Variants in ZNF165 observed in about 807,000 individuals in gnomAD.
ZNF165 encodes cancer/testis antigen 53.
Under a neutral mutation model 19.6 loss-of-function variants are expected in ZNF165, and 14 were observed. The ratio of observed to expected loss-of-function variants is 0.71; its 90% CI spans 0.47 to 1.12. The LOEUF (loss-of-function observed/expected upper bound fraction) is 1.12, where lower values mean the gene tolerates loss of function less well. ZNF165 is among the 50% of genes most tolerant of loss of function. The pLI is 0.00. For missense variants in ZNF165, 504 were observed against 566.3 expected (o/e 0.89, Z 1.12); for synonymous variants, 165 against 195.0 (o/e 0.85, Z 1.28).
In ZNF165 at chr6:28,085,654, G is replaced by A; in HGVS notation, c.174G>A (p.Gln58=). The A allele has an allele frequency of 6.2e-7, 1 of 1,614,224 alleles. No individual in the cohort carries two copies. The highest frequency in any genetic ancestry group is 2.2e-5 in the East Asian group (1 of 44,882). Residue 58 remains glutamine, a synonymous_variant, in exon 2 of 4, where the codon CAG becomes CAA. Coordinates refer to ENST00000683778, the MANE Select transcript of ZNF165 (RefSeq NM_001376491.1). ...CRQLFRQFCY[Q]DSPGPREALS... ...AGCTTTTTAGGCAGTTCTGCTACCA[G>A]GATTCTCCTGGACCTCGCGAGGCAC...
chr6:28,083,381 C>G (rs1217907173), intron 1 of ZNF165, among the ~76,000 whole-genome samples: 3 of 152,190 alleles, frequency 2.0e-5, no homozygotes, highest in Non-Finnish European at 4.4e-5. Context: ...TCCACCAGTT[C>G]CAATCAGTAG....
At chr6:28,088,470 TG>T in intron 3 of ZNF165, 92 bp from the exon 4 acceptor site, 1 of 998,698 alleles carries the variant, frequency 1.0e-6, no homozygotes, top group Non-Finnish European at 1.5e-6. Context: ...TATATTAAAG[TG>T]GGCATATCAA....
chr6:28,085,200 AT>A (rs1179566272), intron 1 of ZNF165, among the ~76,000 whole-genome samples: 1 of 152,122 alleles, frequency 6.6e-6, no homozygotes, highest in Non-Finnish European at 1.5e-5. Flanking sequence ...TTAGCATTAC[AT>A]TTAAGTTTAT....
chr6:28,086,061 T>G, intron 2 of ZNF165, 111 bp from the exon 3 acceptor site: 1 of 1,517,408 alleles, frequency 6.6e-7, no homozygotes, highest in Admixed American at 2.2e-5. Flanking sequence ...TAAATCAGAC[T>G]CGATTCTTCC....
chr6:28,082,765 A>C (rs1764186079), intron 1 of ZNF165, among the ~76,000 whole-genome samples: 1 of 152,214 alleles, frequency 6.6e-6, no homozygotes, highest in South Asian at 2.1e-4. Context: ...TGTTCCCAAC[A>C]CTTGTCAAAA....
rs748451044 is a variant in ZNF165, at chr6:28,088,618, T to G, written c.606T>G (p.Ile202Met). 5 of 1,611,608 alleles carry G rather than the reference T, an allele frequency of 3.1e-6. No homozygotes were observed. In the East Asian group the frequency reaches 8.9e-5, roughly 29 times the overall value. Residue 202 changes from isoleucine to methionine, a missense_variant, in exon 4 of 4, where the codon ATT (isoleucine) becomes ATG (methionine). Coordinates refer to ENST00000683778, the MANE Select transcript of ZNF165 (RefSeq NM_001376491.1). The part of the protein sequence containing the change: ...SMPKLEIFEK[I>M]ESQRIISGRI... Reference sequence around the variant, plus strand: ...CAAAGCTGGAAATTTTTGAAAAAATTGAATCACAGAGAATTATATCTGGAA... The same window carrying G: ...CAAAGCTGGAAATTTTTGAAAAAATGGAATCACAGAGAATTATATCTGGAA...
intron 3 of ZNF165, 86 bp downstream of exon 3, chr6:28,086,396 G>A: frequency 6.6e-7 from 1 of 1,518,740 alleles, no homozygotes; most frequent in Non-Finnish European, 8.8e-7. Flanking sequence ...GGTAACTGTA[G>A]ATGGTCCTTT....
chr6:28,080,560 TTTTTTTG>T, upstream of ZNF165: 1 of 141,898 alleles, frequency 7.0e-6, no homozygotes, highest in African/African-American at 2.7e-5. Context: ...TTTTTTTTTT[TTTTTTTG>T]TATTTTTAGT....
At position 28,089,165 on chromosome 6, in the gene ZNF165, T is replaced by G. The variant is rs1379280946; in HGVS notation, c.1153T>G (p.Ser385Ala). 2 of 1,614,118 alleles carry G rather than the reference T, an allele frequency of 1.2e-6. No homozygotes were observed. The highest frequency in any genetic ancestry group is 1.7e-5 in the Admixed American group (1 of 60,018). The part of the protein sequence containing the change: ...NECGKSFAES[S>A]DLTRHRRIHT... ...ATGTGGGAAAAGCTTTGCAGAGAGC[T>G]CAGATCTTACTAGACATCGGCGAAT... is the stretch of plus-strand genomic sequence containing the variant. Residue 385 changes from serine to alanine, a missense_variant, in exon 4 of 4, where the codon TCA becomes GCA. Physicochemically the swap from Ser to Ala is moderately conservative, Grantham distance 99. Coordinates refer to ENST00000683778, the MANE Select transcript of ZNF165 (RefSeq NM_001376491.1).
rs749929609 is a variant in ZNF165, at chr6:28,085,852, A to G, written c.372A>G (p.Leu124=). ...PESGEEAVTI[L]EDLERGTDEA... Reference sequence around the variant, plus strand: ...GTGGAGAGGAGGCAGTGACCATACTAGAAGATTTGGAGAGAGGCACTGATG... The same window carrying G: ...GTGGAGAGGAGGCAGTGACCATACTGGAAGATTTGGAGAGAGGCACTGATG... Residue 124 remains leucine (L), a synonymous_variant, in exon 2 of 4, where the codon CTA becomes CTG. Transcript: ENST00000683778. The G allele has an allele frequency of 5.0e-6, 8 of 1,613,056 alleles. No individual in the cohort carries two copies. Among genetic ancestry groups the G allele is most frequent in the Non-Finnish European group, 5.9e-6 (7 of 1,179,994 alleles).
At chr6:28,086,949 T>C (rs991645281) in intron 3 of ZNF165, among the ~76,000 whole-genome samples, 1 of 152,142 alleles carries the variant, frequency 6.6e-6, no homozygotes, top group East Asian at 1.9e-4. Flanking sequence ...GAGAAGTACA[T>C]ATAATGATCA....
At chr6:28,083,759 C>G (rs1369373537) in intron 1 of ZNF165, among the ~76,000 whole-genome samples, 1 of 152,148 alleles carries the variant, frequency 6.6e-6, no homozygotes, top group Non-Finnish European at 1.5e-5. Context: ...ATTTCTTTTG[C>G]TGCACCGAAA....
At chr6:28,083,248 G>A (rs1412672988) in intron 1 of ZNF165, among the ~76,000 whole-genome samples, 1 of 152,150 alleles carries the variant, frequency 6.6e-6, no homozygotes, top group African/African-American at 2.4e-5. Flanking sequence ...TAAGCCCCAT[G>A]TTAAATACAG....
In ZNF165 at chr6:28,089,397, G is replaced by A; in HGVS notation, c.1385G>A (p.Gly462Glu). The A allele has an allele frequency of 6.2e-7, 1 of 1,614,170 alleles. No homozygotes were observed. The highest frequency in any genetic ancestry group is 8.5e-7 in the Non-Finnish European group (1 of 1,180,010). The change falls in exon 4 of 4, where the codon GGA becomes GAA. Residue 462 changes from glycine to glutamate, a missense_variant. Physicochemically the swap from Gly to Glu is moderately conservative, Grantham distance 98 (BLOSUM62 -2). Coordinates refer to ENST00000683778, the MANE Select transcript of ZNF165 (RefSeq NM_001376491.1). ...GEKPYECSEC[G>E]RAFSQSSNLS... ...AAACCCTATGAATGCAGTGAGTGTGGAAGAGCCTTCAGTCAGAGCTCAAAC... is the reference window on the plus strand; with the variant it reads ...AAACCCTATGAATGCAGTGAGTGTGAAAGAGCCTTCAGTCAGAGCTCAAAC...
At chr6:28,087,040 G>C (rs924294262) in intron 3 of ZNF165, among the ~76,000 whole-genome samples, 3 of 152,090 alleles carry the variant, frequency 2.0e-5, no homozygotes, top group Non-Finnish European at 4.4e-5. Flanking sequence ...TATTTTTCCT[G>C]TTATGCTCTT....
chr6:28,085,932 A>G, intron 2 of ZNF165, 41 bp downstream of exon 2: 2 of 1,591,348 alleles, frequency 1.3e-6, no homozygotes, highest in Non-Finnish European at 8.5e-7. Context: ...CATAATGGAT[A>G]AAGTTCCACG....
chr6:28,087,071 C>T (rs1469450491), intron 3 of ZNF165, among the ~76,000 whole-genome samples: 1 of 152,136 alleles, frequency 6.6e-6, no homozygotes, highest in Non-Finnish European at 1.5e-5. Flanking sequence ...AGCTCTTTTA[C>T]ACTTTTATAG....
Position 28,080,981 on chromosome 6 carries a change from G to C in ZNF165, c.-1+11G>C, listed in dbSNP as rs562983693. On this transcript the variant is annotated intron_variant, in intron 1 of 3. Coordinates refer to ENST00000683778, the MANE Select transcript of ZNF165 (RefSeq NM_001376491.1). ...AGCCCTGTCCGAGAGGTGAGTCCGG[G>C]TTTGGGGATCCAGATGTCCAGCCCC... 6 of 152,500 alleles carry C rather than the reference G, an allele frequency of 3.9e-5. No individual in the cohort carries two copies. In the East Asian group the frequency reaches 1.2e-3, roughly 29 times the overall value. 9.4% of individuals were successfully genotyped at this position (152,500 alleles called of 1,614,324 possible).
In ZNF165 at chr6:28,084,665, C is replaced by CA. The variant is rs751154919; in HGVS notation, c.1-808dup. 5.9e-5 allele frequency among the ~76,000 whole-genome samples: 9 copies of CA among 151,476 alleles called. No individual in the cohort carries two copies. The South Asian group carries it at 8.3e-4, about 14-fold the overall frequency. On this transcript the variant is annotated intron_variant, in intron 1 of 3. Transcript: ENST00000683778. ...TAGAGTAAGACTCCCTCTCAAAAAA[C>CA]AAAAAAAAGAACCTCATACTTGCAT... is the stretch of plus-strand genomic sequence containing the variant.
Sources: gnomAD v4.1 joint callset for allele counts (sites outside exome capture counted in the v4.1 genomes callset) on GRCh38, gnomAD v4.1.1 for gene constraint, MANE v1.5 for transcripts, NCBI Gene and HGNC (gene_info 2026-07-23, HGNC 2026-07-21) for gene names.